Variants in PRDM2 observed in about 807,000 individuals in gnomAD.
PRDM2 encodes PR domain zinc finger protein 2.
In PRDM2, 30 loss-of-function variants were observed where a neutral mutation model predicts 130.0. The observed-to-expected ratio is 0.23, with a 90% CI of 0.17 to 0.31. PRDM2 has a LOEUF of 0.31. Among genes scored for constraint, PRDM2 ranks in the 10% least tolerant of loss-of-function variants. The probability of loss-of-function intolerance (pLI) is 1.00; values close to 1 mark genes in which losing one functional copy is unlikely to be tolerated. For synonymous variants in PRDM2, 871 were observed against 782.4 expected, an observed-to-expected ratio of 1.11 and a Z score of -1.89; for missense variants, 2,011 against 2,108.4, an observed-to-expected ratio of 0.95 and a Z score of 0.90.
intron 2 of PRDM2, among the ~76,000 whole-genome samples, chr1:13,717,926 A>G (rs915534332): frequency 6.6e-6 from 1 of 152,184 alleles, no homozygotes; most frequent in Admixed American, 6.5e-5. Context: ...ATCTTTTGTT[A>G]TATTTTCATT....
chr1:13,804,347 C>T (rs1378092600), intron 8 of PRDM2, among the ~76,000 whole-genome samples: 1 of 152,146 alleles, frequency 6.6e-6, no homozygotes, highest in African/African-American at 2.4e-5. Flanking sequence ...CCCTTCGGCC[C>T]CCTCATTTGG....
chr1:13,711,632 C>A (rs1642374474), intron 1 of PRDM2, among the ~76,000 whole-genome samples: 1 of 152,168 alleles, frequency 6.6e-6, no homozygotes, highest in African/African-American at 2.4e-5. Flanking sequence ...TCCTTTTACA[C>A]CCCTTGTTTT....
intron 9 of PRDM2, among the ~76,000 whole-genome samples, chr1:13,821,025 C>G (rs1645341658): frequency 2.0e-5 from 1 of 49,412 alleles, no homozygotes; most frequent in Non-Finnish European, 4.3e-5. Context: ...CCCCCGCAAA[C>G]AGCCCTTTCC....
chr1:13,783,403 C>T (rs1269792069), intron 8 of PRDM2, among the ~76,000 whole-genome samples: 2 of 152,188 alleles, frequency 1.3e-5, no homozygotes, highest in African/African-American at 2.4e-5. Flanking sequence ...ACCTCCTGAA[C>T]TCAGCCGTAG....
At chr1:13,789,314 G>C (rs1644801276) in intron 8 of PRDM2, among the ~76,000 whole-genome samples, 1 of 152,206 alleles carries the variant, frequency 6.6e-6, no homozygotes, top group South Asian at 2.1e-4. Context: ...TGTCCTCGTT[G>C]TTACAAGTAC....
At position 13,780,902 on chromosome 1, in the gene PRDM2, C is replaced by T. The variant is rs1381668928; in HGVS notation, c.3107C>T (p.Pro1036Leu). The change falls in exon 8 of 10, where the codon CCC becomes CTC. Residue 1036 changes from proline (P) to leucine (L), a missense_variant. Around this residue, in one of 5 missense-constraint regions of PRDM2, gnomAD observed 1,288 missense variants for 1,237.7 expected, o/e 1.04. Transcript: ENST00000311066. ...TCCCCCTCTCCCTCTCCCATTCCTC[C>T]CGTGGAGCCCCTGATGTCTGCCGCC... The part of the protein sequence containing the change: ...TVSPSPSPIP[P>L]VEPLMSAASP... 2.5e-6 allele frequency: 4 copies of T among 1,613,420 alleles called. No homozygotes were observed. Among genetic ancestry groups the T allele is most frequent in the Non-Finnish European group, 2.5e-6 (3 of 1,179,544 alleles).
In PRDM2 at chr1:13,700,464, G is replaced by A. The variant is rs1642035577; in HGVS notation, c.-66+164G>A. ...CCCCTCAGAGGTCCCGGGCGTGCCGGGGGCCCCGGGACGAGGCGCGGGCCT... is the reference window on the plus strand; with the variant it reads ...CCCCTCAGAGGTCCCGGGCGTGCCGAGGGCCCCGGGACGAGGCGCGGGCCT... On this transcript the variant is annotated intron_variant, in intron 1 of 9. Transcript: ENST00000311066. Among the ~76,000 whole-genome samples, 3 of 150,138 alleles carry A rather than the reference G, an allele frequency of 2.0e-5. No individual in the cohort carries two copies. The South Asian group carries it at 6.2e-4, about 31-fold the overall frequency.
At chr1:13,711,745 T>A (rs1245775840) in intron 1 of PRDM2, among the ~76,000 whole-genome samples, 3 of 152,224 alleles carry the variant, frequency 2.0e-5, no homozygotes, top group Admixed American at 6.5e-5. Flanking sequence ...TGTATATAGC[T>A]TGACAATTTT....
chr1:13,721,319 C>T (rs1378822943), intron 2 of PRDM2, among the ~76,000 whole-genome samples: 1 of 151,994 alleles, frequency 6.6e-6, no homozygotes, highest in Non-Finnish European at 1.5e-5. Flanking sequence ...TCTTAGTTAT[C>T]TCTCCCCCTT....
chr1:13,749,495 C>T lies in PRDM2; in HGVS notation c.511+8C>T, dbSNP rs1370025965. 5 of 1,367,870 alleles carry T rather than the reference C, an allele frequency of 3.7e-6. No homozygotes were observed. Among genetic ancestry groups the T allele is most frequent in the Admixed American group, 2.4e-5 (1 of 42,370 alleles). The allele number at this position is 1,367,870 out of a possible 1,614,324, so 84.7% of individuals were successfully genotyped here. A position where few individuals can be genotyped will look rare whatever the true frequency, so the allele number is the denominator to read the frequency against. On this transcript the variant is annotated splice_region_variant and intron_variant, in intron 6 of 9. Coordinates refer to ENST00000311066, the MANE Select transcript of PRDM2 (RefSeq NM_001393986.1). ...CCCCCAAGAGCCGGAAAGGTAGGAG[C>T]CCCCCGGCCCGCCCGCCCGGCCCCG...
At chr1:13,756,406 T>C (rs981639746) in intron 6 of PRDM2, among the ~76,000 whole-genome samples, 3 of 152,240 alleles carry the variant, frequency 2.0e-5, no homozygotes, top group African/African-American at 7.2e-5. Flanking sequence ...TGGTACTTTG[T>C]TGGCATTCAG....
chr1:13,717,660 A>G lies in PRDM2; in HGVS notation c.9+2046A>G, dbSNP rs1214374186. Among the ~76,000 whole-genome samples, 3 of 148,394 alleles carry G rather than the reference A, an allele frequency of 2.0e-5. No homozygotes were observed. The East Asian group carries it at 6.0e-4, about 30-fold the overall frequency. ...TAAAAAAGTCTGCTTGCCAGTCAAA[A>G]AGTGGTAGCAATAACTACTACTTTT... On this transcript the variant is annotated intron_variant, in intron 2 of 9. Transcript: ENST00000311066.
chr1:13,722,033 TA>T (rs1165357002), intron 2 of PRDM2, among the ~76,000 whole-genome samples: 1 of 152,242 alleles, frequency 6.6e-6, no homozygotes, highest in African/African-American at 2.4e-5. Flanking sequence ...TTATTACTGT[TA>T]TTTTTCAGCC....
At chr1:13,797,420 T>C (rs1259376200) in intron 8 of PRDM2, among the ~76,000 whole-genome samples, 2 of 152,234 alleles carry the variant, frequency 1.3e-5, no homozygotes, top group East Asian at 1.9e-4. Context: ...GTGTCAGATA[T>C]TGTAGTTGAA....
chr1:13,759,767 A>G (rs374014027), intron 6 of PRDM2, among the ~76,000 whole-genome samples: 42 of 152,356 alleles, frequency 2.8e-4, no homozygotes, highest in African/African-American at 1.0e-3. Context: ...GACTGTTTAC[A>G]CACGATGGAC....
intron 9 of PRDM2, among the ~76,000 whole-genome samples, chr1:13,818,041 G>T (rs1007248367): frequency 1.3e-5 from 2 of 152,156 alleles, no homozygotes; most frequent in Non-Finnish European, 2.9e-5. Context: ...TTGAATACGG[G>T]GTTAATGGGA....
intron 6 of PRDM2, among the ~76,000 whole-genome samples, chr1:13,750,339 A>G (rs1643783949): frequency 6.6e-6 from 1 of 151,662 alleles, no homozygotes; most frequent in Non-Finnish European, 1.5e-5. Context: ...AAGGCACAGT[A>G]TGGTTAGTTT....
chr1:13,740,724 A>G (rs978610229), intron 4 of PRDM2, among the ~76,000 whole-genome samples: 10 of 152,308 alleles, frequency 6.6e-5, no homozygotes, highest in African/African-American at 2.4e-4. Flanking sequence ...GGGTTAAATG[A>G]GATAATATGT....
At chr1:13,802,911 G>A (rs1216875554) in intron 8 of PRDM2, among the ~76,000 whole-genome samples, 1 of 152,248 alleles carries the variant, frequency 6.6e-6, no homozygotes, top group Non-Finnish European at 1.5e-5. Context: ...GAACCAGGTG[G>A]CTGCAGGGGA....
Sources: gnomAD v4.1 joint callset for allele counts (sites outside exome capture counted in the v4.1 genomes callset) on GRCh38, gnomAD v4.1.1 for gene constraint, gnomAD v4.1.1 regional missense constraint, MANE v1.5 for transcripts, NCBI Gene and HGNC (gene_info 2026-07-23, HGNC 2026-07-21) for gene names.